POC1B: variants seen among roughly 807,000 people sequenced by gnomAD.
The protein encoded by POC1B is POC1 centriolar protein homolog B.
POC1B carries 44 observed loss-of-function variants against 60.6 expected under a neutral mutation model. That is an observed-to-expected ratio of 0.73 (90% CI 0.57 to 0.93). POC1B has a LOEUF of 0.93. POC1B is among the 40% of genes least tolerant of loss of function. The pLI is 0.00. For synonymous variants in POC1B, 180 were observed against 198.9 expected (o/e 0.90, Z 0.80); for missense variants, 555 against 572.3 (o/e 0.97, Z 0.31).
rs184448113 is a variant in POC1B, at chr12:89,506,159, G to C, written c.101-8817C>G. 3.9e-3 allele frequency among the ~76,000 whole-genome samples: 589 copies of C among 152,330 alleles called. 5 individuals carry two copies. Among genetic ancestry groups the C allele is most frequent in the African/African-American group, 0.013 (556 of 41,566 alleles). On this transcript the variant is annotated intron_variant, in intron 2 of 11. Transcript: ENST00000313546. Reference sequence around the variant, plus strand: ...CGCCTGGAGCCCAGGGAGAGGTTCTGACTGTACAGTGTGGTGGTTAAAAGA... The same window carrying C: ...CGCCTGGAGCCCAGGGAGAGGTTCTCACTGTACAGTGTGGTGGTTAAAAGA...
chr12:89,514,431 C>T (rs1280406643), intron 2 of POC1B, among the ~76,000 whole-genome samples: 17 of 14,036 alleles, frequency 1.2e-3, no homozygotes, highest in Non-Finnish European at 1.7e-3. Context: ...TTTTTTTAGA[C>T]GAAGTCTTAC....
chr12:89,430,871 CA>C, intron 10 of POC1B, among the ~76,000 whole-genome samples: 1 of 152,094 alleles, frequency 6.6e-6, no homozygotes, highest in African/African-American at 2.4e-5. Flanking sequence ...GAGCCAATCA[CA>C]AAAAATTAAA....
At chr12:89,406,562 G>A in the POC1B span, among the ~76,000 whole-genome samples, 3 of 152,082 alleles carry the variant, frequency 2.0e-5, no homozygotes, top group Non-Finnish European at 4.4e-5. Context: ...TGTTGTCTGC[G>A]TTCTGGCACG....
chr12:89,495,623 C>T (rs766692610), intron 3 of POC1B, among the ~76,000 whole-genome samples: 3 of 152,110 alleles, frequency 2.0e-5, no homozygotes, highest in Non-Finnish European at 2.9e-5. Flanking sequence ...AAGCAGTGGT[C>T]CCCAGTCTTT....
chr12:89,455,043 T>C lies in POC1B; in HGVS notation c.1113+4595A>G, dbSNP rs146156335. On this transcript the variant is annotated intron_variant, in intron 10 of 11. Transcript: ENST00000313546. Reference sequence around the variant, plus strand: ...TTCTTCTGAAGCAACTACTTATACCTCGCTTTCCCTCCAGGCACGGTGGCT... The same window carrying C: ...TTCTTCTGAAGCAACTACTTATACCCCGCTTTCCCTCCAGGCACGGTGGCT... 1.4e-3 allele frequency among the ~76,000 whole-genome samples: 207 copies of C among 150,460 alleles called. 1 individual carries two copies. The highest frequency in any genetic ancestry group is 4.8e-3 in the African/African-American group (193 of 39,822).
intron 2 of POC1B, 189 bp downstream of exon 2, chr12:89,524,931 G>C (rs537621100): frequency 1.1e-6 from 1 of 925,104 alleles, no homozygotes; most frequent in South Asian, 1.7e-5. Flanking sequence ...CCGGGCCGGG[G>C]GCTGGGGGCC....
rs1406440291 is a variant in POC1B, at chr12:89,525,919, T to C, written c.-24A>G. 2 of 1,518,970 alleles carry C rather than the reference T, an allele frequency of 1.3e-6. No individual in the cohort carries two copies. The highest frequency in any genetic ancestry group is 1.4e-5 in the African/African-American group (1 of 72,264). The allele number at this position is 1,518,970 out of a possible 1,614,324, so 94.1% of individuals were successfully genotyped here. On this transcript the variant is annotated 5_prime_UTR_variant, in exon 1 of 12. Transcript: ENST00000313546. ...ATCGGGGGAGTGGTCGGCCCAAGGC[T>C]CCTGTGGGTGGGGGAACCCGGAGAG...
At chr12:89,524,102 T>C in intron 2 of POC1B, 1 of 1,613,964 alleles carries the variant, frequency 6.2e-7, no homozygotes, top group East Asian at 2.2e-5. Context: ...CGGAGCAAAG[T>C]CGACCAGGCT....
intron 2 of POC1B, chr12:89,523,378 T>C: frequency 1.2e-6 from 2 of 1,614,068 alleles, no homozygotes; most frequent in Non-Finnish European, 1.7e-6. Context: ...GAAGTGCTCT[T>C]TGTATTCATC....
At chr12:89,486,980 T>A (rs1868670999) in intron 4 of POC1B, among the ~76,000 whole-genome samples, 1 of 151,982 alleles carries the variant, frequency 6.6e-6, no homozygotes, top group Non-Finnish European at 1.5e-5. Flanking sequence ...TATGGCTGTA[T>A]CCAGAAACCA....
chr12:89,429,075 A>C (rs1880907118), intron 10 of POC1B: 1 of 152,236 alleles, frequency 6.6e-6, no homozygotes, highest in Admixed American at 6.5e-5. Context: ...GTTAGTATAG[A>C]AAGGACAATA....
intron 2 of POC1B, among the ~76,000 whole-genome samples, chr12:89,499,745 T>C (rs1388136497): frequency 6.6e-6 from 1 of 152,258 alleles, no homozygotes; most frequent in Non-Finnish European, 1.5e-5. Flanking sequence ...CTACACTTTA[T>C]ACCACATACA....
At chr12:89,447,161 A>G (rs1044857769) in intron 10 of POC1B, among the ~76,000 whole-genome samples, 1 of 152,206 alleles carries the variant, frequency 6.6e-6, no homozygotes, top group Non-Finnish European at 1.5e-5. Flanking sequence ...GTTTATTTTA[A>G]AATCAAAATT....
intron 4 of POC1B, among the ~76,000 whole-genome samples, chr12:89,474,012 C>T (rs1883010438): frequency 6.6e-6 from 1 of 152,062 alleles, no homozygotes; most frequent in African/African-American, 2.4e-5. Flanking sequence ...TGAGACCAGC[C>T]TGGACAACAT....
At chr12:89,525,059 A>G (rs1592656952) in intron 2 of POC1B, 61 bp downstream of exon 2, 2 of 1,607,910 alleles carry the variant, frequency 1.2e-6, no homozygotes, top group Non-Finnish European at 1.7e-6. Flanking sequence ...GGACAGGAGG[A>G]AAGGTTTCCG....
intron 4 of POC1B, among the ~76,000 whole-genome samples, chr12:89,482,822 C>T (rs1004434996): frequency 6.6e-6 from 1 of 152,148 alleles, no homozygotes; most frequent in African/African-American, 2.4e-5. Flanking sequence ...TGTGTACCCA[C>T]CCAAATCTCA....
chr12:89,405,780 C>T, the POC1B span, among the ~76,000 whole-genome samples: 2 of 151,220 alleles, frequency 1.3e-5, no homozygotes, highest in African/African-American at 2.4e-5. Flanking sequence ...CATGGTGAGA[C>T]CCTGTCTCTA....
intron 4 of POC1B, among the ~76,000 whole-genome samples, chr12:89,479,091 T>A (rs1017961860): frequency 6.6e-6 from 1 of 152,308 alleles, no homozygotes; most frequent in Admixed American, 6.5e-5. Flanking sequence ...ATACAGAAAA[T>A]TTTAAAAGTC....
At chr12:89,407,038 C>T in the POC1B span, among the ~76,000 whole-genome samples, 2 of 148,480 alleles carry the variant, frequency 1.3e-5, no homozygotes, top group African/African-American at 2.5e-5. Flanking sequence ...GTCCCAGCTA[C>T]TCAAGAAGCT....
Sources: allele counts gnomAD v4.1 joint callset (sites outside exome capture counted in the v4.1 genomes callset), GRCh38; gene constraint gnomAD v4.1.1; transcripts MANE v1.5; gene names NCBI Gene and HGNC (gene_info 2026-07-23, HGNC 2026-07-21).